The following TXNRD1 variants were observed in gnomAD, a reference collection of about 807,000 sequenced individuals.
The protein encoded by TXNRD1 is thioredoxin reductase 1, cytoplasmic.
In TXNRD1, 57 loss-of-function variants were observed where a neutral mutation model predicts 80.3. The ratio of observed to expected loss-of-function variants is 0.71; its 90% CI spans 0.57 to 0.89. TXNRD1 has a LOEUF of 0.89. Ranked by LOEUF, TXNRD1 falls within the 40% of genes least tolerant of loss-of-function variation. The pLI, the probability that TXNRD1 is intolerant of heterozygous loss-of-function variation, is 0.00. For missense variants in TXNRD1, 730 were observed against 803.0 expected (o/e 0.91, Z 1.10); for synonymous variants, 291 against 285.2 (o/e 1.02, Z -0.20).
intron 3 of TXNRD1, among the ~76,000 whole-genome samples, chr12:104,261,262 C>T (rs185762694): frequency 2.0e-5 from 3 of 152,044 alleles, no homozygotes; most frequent in Non-Finnish European, 2.9e-5. Flanking sequence ...CTCTAGGGTT[C>T]GAGCGATTCT....
At chr12:104,247,181 C>A (rs538391656) in intron 1 of TXNRD1, among the ~76,000 whole-genome samples, 77 of 152,138 alleles carry the variant, frequency 5.1e-4, no homozygotes, top group Non-Finnish European at 8.7e-4. Context: ...GATTCTCCCT[C>A]CTCAGCCTCC....
chr12:104,304,885 T>C, intron 4 of TXNRD1: 1 of 1,611,660 alleles, frequency 6.2e-7, no homozygotes, highest in East Asian at 2.2e-5. Flanking sequence ...GGAAAAACAT[T>C]GTGGCAGCTT....
At chr12:104,228,959 T>C (rs968677091) in intron 1 of TXNRD1, among the ~76,000 whole-genome samples, 1 of 151,302 alleles carries the variant, frequency 6.6e-6, no homozygotes, top group African/African-American at 2.4e-5. Flanking sequence ...GACCTGGTGA[T>C]CCCCCCGCCT....
At chr12:104,251,499 T>C (rs1428607310) in intron 1 of TXNRD1, 28 bp from the exon 2 acceptor site, 2 of 1,607,518 alleles carry the variant, frequency 1.2e-6, no homozygotes, top group Admixed American at 3.4e-5. Context: ...TTTGTGATAA[T>C]TACCATCCTT....
At chr12:104,309,776 G>C in intron 4 of TXNRD1, 1 of 1,531,480 alleles carries the variant, frequency 6.5e-7, no homozygotes. Flanking sequence ...TATTGAAGGA[G>C]GAACCTTGGC....
At chr12:104,341,615 CACG>C (rs2036326417) in intron 16 of TXNRD1, among the ~76,000 whole-genome samples, 1 of 151,880 alleles carries the variant, frequency 6.6e-6, no homozygotes, top group African/African-American at 2.4e-5. Flanking sequence ...GTTTTGCTCA[CACG>C]ACCAATTCTC....
chr12:104,304,363 T>C, intron 4 of TXNRD1: 1 of 1,614,056 alleles, frequency 6.2e-7, no homozygotes, highest in East Asian at 2.2e-5. Context: ...GTGATTGTGA[T>C]GATAGCATAG....
chr12:104,318,771 A>G (rs1049801645), intron 7 of TXNRD1, 142 bp from the exon 8 acceptor site: 2 of 676,604 alleles, frequency 3.0e-6, no homozygotes, highest in East Asian at 5.5e-5. Context: ...AAAGTGGCAT[A>G]TGTGCTCAAA....
At chr12:104,242,469 A>C (rs5005907) in intron 1 of TXNRD1, among the ~76,000 whole-genome samples, 99,330 of 151,172 alleles carry the variant, frequency 0.66, 33,544 homozygotes, top group Non-Finnish European at 0.74. Context: ...AATCGCTTGA[A>C]CCTGGGAGGT....
In TXNRD1 at chr12:104,334,080, T is replaced by TA. The variant is rs1448338703; in HGVS notation, c.1651-157_1651-156insA. ...GTGCCTGACAGCAAGGAGTTGAAAG[T>TA]CATTTACCTTTTGACCAGATTCCTA... On this transcript the variant is annotated intron_variant, in intron 14 of 16. Transcript: ENST00000525566. 4 of 390,994 alleles carry TA rather than the reference T, an allele frequency of 1.0e-5. No homozygotes were observed. In the East Asian group the frequency reaches 1.5e-4, roughly 15 times the overall value. The allele number at this position is 390,994 out of a possible 1,614,324, so 24.2% of individuals were successfully genotyped here. A position where few individuals can be genotyped will look rare whatever the true frequency, so the allele number is the denominator to read the frequency against.
intron 3 of TXNRD1, chr12:104,262,589 G>A (rs11377742): frequency 0.22 from 34,030 of 152,046 alleles, 4,878 homozygotes; most frequent in Non-Finnish European, 0.32. Context: ...GATCATAGTG[G>A]GTATTTAAAA....
At chr12:104,324,029 G>C (rs1030608568) in intron 10 of TXNRD1, among the ~76,000 whole-genome samples, 1 of 152,172 alleles carries the variant, frequency 6.6e-6, no homozygotes, top group African/African-American at 2.4e-5. Flanking sequence ...ATTTTGGACA[G>C]AGAATGTAGT....
intron 4 of TXNRD1, among the ~76,000 whole-genome samples, chr12:104,308,440 A>G (rs1300776023): frequency 6.6e-6 from 1 of 152,248 alleles, no homozygotes; most frequent in Non-Finnish European, 1.5e-5. Flanking sequence ...CAAAGATACA[A>G]AACAGTGCCA....
At chr12:104,301,842 C>A (rs1051611798) in intron 4 of TXNRD1, among the ~76,000 whole-genome samples, 1 of 152,192 alleles carries the variant, frequency 6.6e-6, no homozygotes, top group African/African-American at 2.4e-5. Context: ...ACCTTTCTTT[C>A]ATTTTTCCTT....
At chr12:104,314,401 A>G (rs1436150508) in intron 6 of TXNRD1, among the ~76,000 whole-genome samples, 2 of 152,180 alleles carry the variant, frequency 1.3e-5, no homozygotes, top group Non-Finnish European at 2.9e-5. Context: ...CATTCAGCAG[A>G]TATTTAATGT....
intron 2 of TXNRD1, among the ~76,000 whole-genome samples, chr12:104,252,236 C>T (rs150825323): frequency 3.4e-4 from 52 of 152,008 alleles, no homozygotes; most frequent in Middle Eastern, 3.4e-3. Context: ...GGGGAGTTAC[C>T]AAACCGGTTG....
intron 4 of TXNRD1, 151 bp downstream of exon 4, chr12:104,289,191 T>C: frequency 1.2e-6 from 1 of 843,626 alleles, no homozygotes; most frequent in African/African-American, 1.7e-5. Flanking sequence ...GGCTAGCGCA[T>C]GTGTTAATCG....
In TXNRD1 at chr12:104,339,132, G is replaced by A; in HGVS notation, c.1747-7G>A. On this transcript the variant is annotated splice_polypyrimidine_tract_variant and splice_region_variant and intron_variant, in intron 15 of 16. Coordinates refer to ENST00000525566, the MANE Select transcript of TXNRD1 (RefSeq NM_001093771.3). ...TAATTGCATTATTGTATTTTTTTTT[G>A]CCTTAGGAACGTGTTGTGGGCTTTC... 1 of 1,598,042 alleles carries A rather than the reference G, an allele frequency of 6.3e-7. No individual in the cohort carries two copies. The highest frequency in any genetic ancestry group is 8.5e-7 in the Non-Finnish European group (1 of 1,174,908).
intron 4 of TXNRD1, among the ~76,000 whole-genome samples, chr12:104,291,642 CCTAG>C (rs1222516947): frequency 6.6e-6 from 1 of 152,084 alleles, no homozygotes; most frequent in Non-Finnish European, 1.5e-5. Flanking sequence ...TGCCACCGTG[CCTAG>C]CTAATTTTTG....
Sources: gnomAD v4.1 joint callset for allele counts (sites outside exome capture counted in the v4.1 genomes callset) on GRCh38, gnomAD v4.1.1 for gene constraint, MANE v1.5 for transcripts, NCBI Gene and HGNC (gene_info 2026-07-23, HGNC 2026-07-21) for gene names.